TMPRSS9: variants seen among roughly 807,000 people sequenced by gnomAD.
TMPRSS9 encodes transmembrane protease serine 9.
A neutral mutation model predicts 111.4 loss-of-function variants in TMPRSS9; 113 were observed. The observed-to-expected ratio is 1.01, with a 90% CI of 0.87 to 1.19. The LOEUF is 1.19. Ranked by LOEUF, TMPRSS9 falls within the 50% of genes most tolerant of loss-of-function variation. TMPRSS9 has a pLI of 0.00. For missense variants in TMPRSS9, 1,803 were observed against 1,513.1 expected, an observed-to-expected ratio of 1.19 and a Z score of -3.18; for synonymous variants, 805 against 659.1, an observed-to-expected ratio of 1.22 and a Z score of -3.39.
chr19:2,413,956 C>T (rs780463517), exon 10 of TMPRSS9: 4 of 1,611,880 alleles, frequency 2.5e-6, no homozygotes, highest in South Asian at 1.1e-5. Context: ...AGCACCCCCA[C>T]CAAATCGATG....
chr19:2,397,173 G>A (rs1054379736), intron 2 of TMPRSS9, among the ~76,000 whole-genome samples: 4 of 152,060 alleles, frequency 2.6e-5, no homozygotes, highest in Admixed American at 6.6e-5. Flanking sequence ...TTCCCTCCAC[G>A]GCCTCCCAAA....
intron 4 of TMPRSS9, among the ~76,000 whole-genome samples, chr19:2,401,766 C>T (rs1347819596): frequency 6.6e-6 from 1 of 151,596 alleles, no homozygotes; most frequent in Non-Finnish European, 1.5e-5. Flanking sequence ...CGGCACCACA[C>T]CCGTCTAATT....
In TMPRSS9 at chr19:2,401,969, T is replaced by C. The variant is rs1568180381; in HGVS notation, c.515-6T>C. ...GTGAGCTTCTATCTTCTCTGTTTTG[T>C]TGCAGGGAGACATAAGGGACCCTTG... On this transcript the variant is annotated splice_polypyrimidine_tract_variant and splice_region_variant and intron_variant, in intron 4 of 17. Coordinates refer to ENST00000648592, the Ensembl canonical transcript of TMPRSS9. The C allele has an allele frequency of 3.7e-6, 6 of 1,610,790 alleles. No individual in the cohort carries two copies. The highest frequency in any genetic ancestry group is 5.1e-6 in the Non-Finnish European group (6 of 1,177,918).
chr19:2,414,136 T>TA, intron 10 of TMPRSS9, 118 bp downstream of exon 11: 1 of 1,088,614 alleles, frequency 9.2e-7, no homozygotes, highest in Non-Finnish European at 1.3e-6. Flanking sequence ...AAAGGTCACA[T>TA]GTGTATCCGT....
rs546017443 is a variant in TMPRSS9 at position 2,402,227 on chromosome 19, T to C, written c.556+211T>C. 3.3e-5 allele frequency among the ~76,000 whole-genome samples: 5 copies of C among 149,814 alleles called. No homozygotes were observed. The East Asian group carries it at 1.0e-3, about 31-fold the overall frequency. ...GGACAACAGAGCGAGACCCTATCTC[T>C]ACAAAAATAATAATAAAAAAAGGCC... On this transcript the variant is annotated intron_variant, in intron 5 of 17. Transcript: ENST00000648592.
At position 2,408,564 on chromosome 19, in the gene TMPRSS9, A is replaced by G. The variant is rs761646986; in HGVS notation, c.1051A>G (p.Thr351Ala). The change falls in exon 8 of 18, where the codon ACA (threonine) becomes GCA (alanine). Residue 351 changes from threonine (T) to alanine (A), a missense_variant. By Grantham distance (58) the Thr-to-Ala change is moderately conservative (BLOSUM62 0). Transcript: ENST00000648592. ...CCAGCCCGTGTGCCTCCCGGCTGCC[A>G]CACACATCTTCCCACCCAGCAAGAA... is the stretch of plus-strand genomic sequence containing the variant. The G allele has an allele frequency of 3.2e-5, 51 of 1,613,466 alleles. No homozygotes were observed. Among genetic ancestry groups the G allele is most frequent in the African/African-American group, 4.0e-5 (3 of 74,914 alleles).
At chr19:2,416,898 C>G in intron 12 of TMPRSS9, 89 bp downstream of exon 13, 1 of 1,457,954 alleles carries the variant, frequency 6.9e-7, no homozygotes, top group Non-Finnish European at 9.1e-7. Context: ...TTACCTGGAC[C>G]CTAAACCAAT....
intron 13 of TMPRSS9, among the ~76,000 whole-genome samples, chr19:2,420,833 G>A (rs958257597): frequency 6.6e-6 from 1 of 152,032 alleles, no homozygotes; most frequent in Non-Finnish European, 1.5e-5. Context: ...AGAATAATAG[G>A]TATTTATAGT....
At chr19:2,377,128 G>A (rs1221774946) in intron 1 of TMPRSS9, among the ~76,000 whole-genome samples, 1 of 151,024 alleles carries the variant, frequency 6.6e-6, no homozygotes, top group Non-Finnish European at 1.5e-5. Context: ...GTTCAGGTGT[G>A]TCCCACAGTT....
intron 1 of TMPRSS9, among the ~76,000 whole-genome samples, chr19:2,395,716 AAAAC>A (rs1970691605): frequency 6.6e-6 from 1 of 151,600 alleles, no homozygotes; most frequent in African/African-American, 2.4e-5. Context: ...ACTCTGTCTC[AAAAC>A]AAACAGGCCG....
chr19:2,422,969 A>G (rs894652211), intron 14 of TMPRSS9, among the ~76,000 whole-genome samples: 1 of 151,988 alleles, frequency 6.6e-6, no homozygotes, highest in South Asian at 2.1e-4. Context: ...AGACAGGAGA[A>G]TCATTTGAGC....
intron 10 of TMPRSS9, among the ~76,000 whole-genome samples, chr19:2,415,450 T>G (rs17763674): frequency 0.13 from 19,233 of 150,336 alleles, 2,061 homozygotes; most frequent in East Asian, 0.36. Flanking sequence ...GCTGTATGTT[T>G]CTTTCTTAAC....
At chr19:2,360,877 G>A (rs1472921727) in intron 1 of TMPRSS9, among the ~76,000 whole-genome samples, 1 of 150,008 alleles carries the variant, frequency 6.7e-6, no homozygotes, top group Admixed American at 6.6e-5. Flanking sequence ...AGGCCAGGCT[G>A]GGTAGATGCC....
At chr19:2,412,779 G>A (rs1207672044) in intron 9 of TMPRSS9, among the ~76,000 whole-genome samples, 4 of 152,114 alleles carry the variant, frequency 2.6e-5, no homozygotes, top group African/African-American at 9.7e-5. Context: ...CTTTGCTCTT[G>A]TTTCTAAGGC....
intron 1 of TMPRSS9, among the ~76,000 whole-genome samples, chr19:2,363,527 G>A (rs940371118): frequency 2.0e-5 from 3 of 151,758 alleles, no homozygotes; most frequent in Non-Finnish European, 4.4e-5. Context: ...GGGGGGACAG[G>A]CGAGAGTGTG....
intron 1 of TMPRSS9, among the ~76,000 whole-genome samples, chr19:2,374,864 G>T (rs529439405): frequency 3.9e-5 from 6 of 152,188 alleles, no homozygotes; most frequent in African/African-American, 1.4e-4. Context: ...GGGGAAGAGC[G>T]TTTCCTTTAG....
At chr19:2,386,244 G>A (rs1001716326), upstream of TMPRSS9, among the ~76,000 whole-genome samples, 8 of 152,198 alleles carry the variant, frequency 5.3e-5, no homozygotes, top group Non-Finnish European at 1.0e-4. Flanking sequence ...GGTGGCTCAC[G>A]CCTGTAATCC....
At chr19:2,367,585 A>ACT in intron 1 of TMPRSS9, among the ~76,000 whole-genome samples, 2 of 113,782 alleles carry the variant, frequency 1.8e-5, no homozygotes, top group East Asian at 5.0e-4. Context: ...TTTTTTTGAG[A>ACT]GGGAGTCTTG....
At chr19:2,361,507 G>A (rs1039735407) in intron 1 of TMPRSS9, among the ~76,000 whole-genome samples, 18 of 152,024 alleles carry the variant, frequency 1.2e-4, no homozygotes, top group African/African-American at 3.4e-4. Context: ...GGAGGTGGGT[G>A]AAGGGCCTGA....
Sources: gnomAD v4.1 joint callset for allele counts (sites outside exome capture counted in the v4.1 genomes callset) on GRCh38, gnomAD v4.1.1 for gene constraint, MANE v1.5 for transcripts, NCBI Gene and HGNC (gene_info 2026-07-23, HGNC 2026-07-21) for gene names.